Variants in TBC1D12 observed in about 807,000 individuals in gnomAD.
The protein encoded by TBC1D12 is TBC1 domain family member 12.
TBC1D12 carries 56 observed loss-of-function variants against 86.7 expected under a neutral mutation model. The ratio of observed to expected loss-of-function variants is 0.65; its 90% confidence interval spans 0.52 to 0.81. The LOEUF is 0.81. Among genes scored for constraint, TBC1D12 ranks in the 30% least tolerant of loss-of-function variants. TBC1D12 has a pLI of 0.00. For synonymous variants in TBC1D12, 421 were observed against 411.7 expected, an observed-to-expected ratio of 1.02 and a Z score of -0.27; for missense variants, 1,023 against 1,038.8, an observed-to-expected ratio of 0.98 and a Z score of 0.21.
At chr10:94,451,599 C>T (rs2055550099) in intron 2 of TBC1D12, among the ~76,000 whole-genome samples, 1 of 152,038 alleles carries the variant, frequency 6.6e-6, no homozygotes. Context: ...GCCTTTATCT[C>T]CTTGAATATA....
chr10:94,524,424 T>C (rs1842234540), intron 11 of TBC1D12, among the ~76,000 whole-genome samples: 1 of 152,182 alleles, frequency 6.6e-6, no homozygotes. Flanking sequence ...TTTTTTCTGT[T>C]TAATCAGAAC....
intron 12 of TBC1D12, among the ~76,000 whole-genome samples, chr10:94,531,702 A>T (rs1842424992): frequency 3.4e-5 from 3 of 87,458 alleles, no homozygotes; most frequent in East Asian, 6.2e-4. Context: ...ATTTTATGTT[A>T]TGTTATTTTA....
Position 94,507,247 on chromosome 10 carries a change from G to A in TBC1D12, c.1520-20G>A, listed in dbSNP as rs201176644. 1.3e-6 allele frequency: 2 copies of A among 1,596,782 alleles called. No homozygotes were observed. Among genetic ancestry groups the A allele is most frequent in the Non-Finnish European group, 1.7e-6 (2 of 1,175,286 alleles). On this transcript the variant is annotated intron_variant, in intron 6 of 12. Transcript: ENST00000225235. ...TCTTTCCTATTATTCATACATTTTT[G>A]TTCTCCCCCCAACCCCCAGAACTTT...
chr10:94,458,741 C>T lies in TBC1D12; in HGVS notation c.1096-15927C>T, dbSNP rs536676405. Among the ~76,000 whole-genome samples the T allele has an allele frequency of 1.7e-4, 26 of 152,200 alleles. No homozygotes were observed. The South Asian group carries it at 3.9e-3, about 23-fold the overall frequency. On this transcript the variant is annotated intron_variant, in intron 2 of 12. Coordinates refer to ENST00000225235, the MANE Select transcript of TBC1D12 (RefSeq NM_015188.2). Reference sequence around the variant, plus strand: ...TAGACCTTCATGGTGAGTGTTATAGCTCTTAAAGGTGGTGCGTCTGGAGTT... The same window carrying T: ...TAGACCTTCATGGTGAGTGTTATAGTTCTTAAAGGTGGTGCGTCTGGAGTT...
At chr10:94,500,403 G>T in intron 6 of TBC1D12, 76 bp downstream of exon 6, 1 of 1,238,858 alleles carries the variant, frequency 8.1e-7, no homozygotes, top group South Asian at 1.6e-5. Flanking sequence ...TTAGTAGAGT[G>T]ACCATTAAAA....
intron 11 of TBC1D12, among the ~76,000 whole-genome samples, chr10:94,524,629 C>T (rs1027348040): frequency 6.6e-6 from 1 of 150,966 alleles, no homozygotes; most frequent in Admixed American, 6.6e-5. Flanking sequence ...GTCCCAGCTA[C>T]TTGGGAGGCT....
chr10:94,456,960 C>T (rs967644224), intron 2 of TBC1D12, among the ~76,000 whole-genome samples: 1 of 152,184 alleles, frequency 6.6e-6, no homozygotes, highest in African/African-American at 2.4e-5. Flanking sequence ...GAAGTCTGCT[C>T]TGTCTGAGAT....
At chr10:94,443,899 G>A (rs964766409) in intron 2 of TBC1D12, among the ~76,000 whole-genome samples, 4 of 152,204 alleles carry the variant, frequency 2.6e-5, no homozygotes, top group East Asian at 3.8e-4. Flanking sequence ...GCCGAGTATA[G>A]TGGCTCACGC....
intron 7 of TBC1D12, chr10:94,509,045 A>G (rs2056495488): frequency 6.6e-6 from 1 of 151,654 alleles, no homozygotes; most frequent in African/African-American, 2.4e-5. Flanking sequence ...GGTTGGGGCA[A>G]GGTTGTAGGT....
At chr10:94,434,514 A>T (rs1320427498) in intron 1 of TBC1D12, among the ~76,000 whole-genome samples, 1 of 151,968 alleles carries the variant, frequency 6.6e-6, no homozygotes, top group East Asian at 1.9e-4. Flanking sequence ...TAAAAAAAAA[A>T]AAAAAAGAAA....
At chr10:94,418,299 C>CTA (rs1411133773) in intron 1 of TBC1D12, among the ~76,000 whole-genome samples, 1 of 152,124 alleles carries the variant, frequency 6.6e-6, no homozygotes, top group Non-Finnish European at 1.5e-5. Flanking sequence ...GAGTAACTAC[C>CTA]TAAACATATA....
intron 2 of TBC1D12, among the ~76,000 whole-genome samples, chr10:94,454,039 C>G (rs1009396856): frequency 6.6e-6 from 1 of 152,154 alleles, no homozygotes; most frequent in African/African-American, 2.4e-5. Context: ...GTCTTGAATT[C>G]GAGTAGTGTC....
chr10:94,437,334 T>A (rs751399111), intron 1 of TBC1D12, among the ~76,000 whole-genome samples: 1 of 149,806 alleles, frequency 6.7e-6, no homozygotes, highest in Non-Finnish European at 1.5e-5. Context: ...GTTATTTTCT[T>A]TTTTTTTTTG....
chr10:94,523,192 C>CAAAAAAAAAAAAAAA (rs33935088), intron 11 of TBC1D12, among the ~76,000 whole-genome samples: 1 of 44,076 alleles, frequency 2.3e-5, no homozygotes, highest in African/African-American at 9.1e-5. Context: ...AACTCTATCT[C>CAAAAAAAAAAAAAAA]AAAAAAAAAA....
intron 8 of TBC1D12, among the ~76,000 whole-genome samples, chr10:94,510,742 A>G (rs113249304): frequency 2.0e-5 from 3 of 151,840 alleles, no homozygotes; most frequent in Admixed American, 6.6e-5. Flanking sequence ...GGCTCAAGCA[A>G]TCCTCCTGCA....
intron 2 of TBC1D12, among the ~76,000 whole-genome samples, chr10:94,454,296 C>T (rs1277961633): frequency 6.6e-6 from 1 of 152,140 alleles, no homozygotes; most frequent in African/African-American, 2.4e-5. Flanking sequence ...ACCACAACCT[C>T]CACCTCCCAG....
intron 2 of TBC1D12, among the ~76,000 whole-genome samples, chr10:94,467,817 G>A (rs991857550): frequency 1.3e-5 from 2 of 152,112 alleles, no homozygotes; most frequent in African/African-American, 4.8e-5. Context: ...TCTCATGCGC[G>A]TACAACCATA....
chr10:94,436,434 A>G (rs758335736), intron 1 of TBC1D12, among the ~76,000 whole-genome samples: 1 of 151,992 alleles, frequency 6.6e-6, no homozygotes, highest in African/African-American at 2.4e-5. Flanking sequence ...GTGCCCGCCC[A>G]GGTCCTTTAT....
rs1040041785 is a variant in TBC1D12 at position 94,403,418 on chromosome 10, A to G, written c.805A>G (p.Ile269Val). ...GGAGCCGCGCCTGGGCTTTTCTGAC[A>G]TTCACTTCAACTCTCGCAACACGTT... ...GAEPRLGFSD[I>V]HFNSRNTFQV... Residue 269 changes from isoleucine to valine, a missense_variant, in exon 1 of 13, where the codon ATT becomes GTT. Coordinates refer to ENST00000225235, the MANE Select transcript of TBC1D12 (RefSeq NM_015188.2). 2.6e-6 allele frequency: 4 copies of G among 1,549,720 alleles called. No individual in the cohort carries two copies. The highest frequency in any genetic ancestry group is 3.5e-6 in the Non-Finnish European group (4 of 1,147,746).
Sources: gnomAD v4.1 joint callset for allele counts (sites outside exome capture counted in the v4.1 genomes callset) on GRCh38, gnomAD v4.1.1 for gene constraint, MANE v1.5 for transcripts, NCBI Gene and HGNC (gene_info 2026-07-23, HGNC 2026-07-21) for gene names.